The following PPAT variants were observed in gnomAD, a reference collection of about 807,000 sequenced individuals.
PPAT encodes amidophosphoribosyltransferase.
In PPAT, 20 loss-of-function variants were observed where a neutral mutation model predicts 60.2. That is an observed-to-expected ratio of 0.33 (90% CI 0.23 to 0.48). The LOEUF (loss-of-function observed/expected upper bound fraction) is 0.48, where lower values mean the gene tolerates loss of function less well. PPAT is among the 20% of genes least tolerant of loss of function. The pLI is 0.99. For synonymous variants in PPAT, 194 were observed against 215.1 expected, an observed-to-expected ratio of 0.90 and a Z score of 0.86; for missense variants, 349 against 629.6, an observed-to-expected ratio of 0.55 and a Z score of 4.77.
intron 3 of PPAT, chr4:56,404,016 G>C: frequency 2.2e-6 from 1 of 448,496 alleles, no homozygotes; most frequent in South Asian, 1.6e-5. Flanking sequence ...TTCCTAACAA[G>C]CCACAGACTG....
At chr4:56,413,011 T>C (rs1181988381) in intron 1 of PPAT, among the ~76,000 whole-genome samples, 2 of 80,010 alleles carry the variant, frequency 2.5e-5, no homozygotes, top group African/African-American at 8.8e-5. Context: ...TGAGTGTGGG[T>C]CTTCCACCCC....
chr4:56,399,525 G>A, intron 8 of PPAT, 125 bp from the exon 9 acceptor site: 2 of 789,094 alleles, frequency 2.5e-6, no homozygotes, highest in African/African-American at 1.8e-5. Context: ...TTATTATTTG[G>A]AAAAAAGGCA....
chr4:56,395,674 T>TAA (rs3036882), intron 10 of PPAT, 126 bp from the exon 11 acceptor site: 144 of 467,504 alleles, frequency 3.1e-4, no homozygotes, highest in South Asian at 5.4e-4. Flanking sequence ...AGCCTTTCTT[T>TAA]AAAAAAAAAA....
At chr4:56,397,140 A>G (rs201975098) in intron 9 of PPAT, among the ~76,000 whole-genome samples, 6 of 93,678 alleles carry the variant, frequency 6.4e-5, no homozygotes, top group African/African-American at 2.4e-4. Context: ...GGCTATACTC[A>G]GTGTCCACAT....
In PPAT at chr4:56,394,508, T is replaced by C. The variant is rs2110035288; in HGVS notation, c.*844A>G. 6.6e-6 allele frequency: 1 copy of C among 152,282 alleles called. No individual in the cohort carries two copies. Among genetic ancestry groups the C allele is most frequent in the Admixed American group, 6.5e-5 (1 of 15,292 alleles). 9.4% of individuals were successfully genotyped at this position (152,282 alleles called of 1,614,324 possible). A position where few individuals can be genotyped will look rare whatever the true frequency, so the allele number is the denominator to read the frequency against. On this transcript the variant is annotated 3_prime_UTR_variant, in exon 11 of 11. Coordinates refer to ENST00000264220, the MANE Select transcript of PPAT (RefSeq NM_002703.5). Reference sequence around the variant, plus strand: ...TTTTATTTCAAATGTACCAGGTTACTTGCTGAGCTTATAGTATCAGGGCAC... The same window carrying C: ...TTTTATTTCAAATGTACCAGGTTACCTGCTGAGCTTATAGTATCAGGGCAC...
intron 1 of PPAT, chr4:56,431,393 G>A: frequency 1.0e-6 from 1 of 968,438 alleles, no homozygotes; most frequent in Non-Finnish European, 1.2e-6. Context: ...TGCCTTTCCA[G>A]TGGTAATGTT....
rs1283427308 is a variant in PPAT, at chr4:56,401,014, GA to G, written c.887-104del. The G allele has an allele frequency of 5.9e-6, 7 of 1,176,684 alleles. No individual in the cohort carries two copies. In the African/African-American group the frequency reaches 7.8e-5, roughly 13 times the overall value. The allele number at this position is 1,176,684 out of a possible 1,614,324, so 72.9% of individuals were successfully genotyped here. A position where few individuals can be genotyped will look rare whatever the true frequency, so the allele number is the denominator to read the frequency against. ...GAATTCTACAGATTGAGTATAAAAAGAAATGCAATATATACAAAAATATGAA... is the reference window on the plus strand; with the variant it reads ...GAATTCTACAGATTGAGTATAAAAAGAATGCAATATATACAAAAATATGAA... On this transcript the variant is annotated intron_variant, in intron 7 of 10. Coordinates refer to ENST00000264220, the MANE Select transcript of PPAT (RefSeq NM_002703.5).
chr4:56,434,318 G>A (rs957044519), intron 1 of PPAT, among the ~76,000 whole-genome samples: 5 of 152,154 alleles, frequency 3.3e-5, no homozygotes, highest in African/African-American at 1.2e-4. Context: ...TTTGGAATGC[G>A]TTTATACGTG....
At chr4:56,413,876 G>A (rs1283255562) in intron 1 of PPAT, among the ~76,000 whole-genome samples, 3 of 152,084 alleles carry the variant, frequency 2.0e-5, no homozygotes, top group Non-Finnish European at 2.9e-5. Context: ...CAGCCTGGGC[G>A]ACAAGAGTAA....
chr4:56,430,641 G>C (rs560166482), intron 1 of PPAT, among the ~76,000 whole-genome samples: 1 of 151,370 alleles, frequency 6.6e-6, no homozygotes, highest in African/African-American at 2.4e-5. Flanking sequence ...ATTTTTCTAT[G>C]TCTGGATATA....
At chr4:56,428,731 T>TA (rs141898772) in intron 1 of PPAT, among the ~76,000 whole-genome samples, 1,702 of 152,308 alleles carry the variant, frequency 0.011, 33 homozygotes, top group African/African-American at 0.038. Flanking sequence ...AAATGACCCT[T>TA]AAAAATCATT....
chr4:56,431,696 C>A (rs1717592407), intron 1 of PPAT: 1 of 171,366 alleles, frequency 5.8e-6, no homozygotes, highest in East Asian at 1.9e-4. Flanking sequence ...TGGCATAAAT[C>A]TACAGACATT....
At chr4:56,409,511 T>C (rs2110042748) in intron 1 of PPAT, among the ~76,000 whole-genome samples, 1 of 152,336 alleles carries the variant, frequency 6.6e-6, no homozygotes, top group Non-Finnish European at 1.5e-5. Context: ...AGGCACCCTT[T>C]CCCATGTCTG....
chr4:56,427,777 T>A (rs73240548), intron 1 of PPAT, among the ~76,000 whole-genome samples: 3 of 152,214 alleles, frequency 2.0e-5, no homozygotes, highest in Non-Finnish European at 4.4e-5. Flanking sequence ...CTGCTGCACA[T>A]CATCACCCCA....
At chr4:56,430,348 G>C (rs1171962376) in intron 1 of PPAT, among the ~76,000 whole-genome samples, 2 of 152,008 alleles carry the variant, frequency 1.3e-5, no homozygotes, top group Admixed American at 1.3e-4. Context: ...ATCCTATAAG[G>C]TAGGTGCTAT....
At chr4:56,398,724 A>G (rs536828219) in intron 9 of PPAT, among the ~76,000 whole-genome samples, 1 of 152,308 alleles carries the variant, frequency 6.6e-6, no homozygotes, top group East Asian at 1.9e-4. Context: ...TGCTGGAATT[A>G]TAGGCATGAG....
intron 1 of PPAT, among the ~76,000 whole-genome samples, chr4:56,414,794 G>A (rs577815519): frequency 6.6e-6 from 1 of 152,170 alleles, no homozygotes; most frequent in Non-Finnish European, 1.5e-5. Context: ...TAAATAACCT[G>A]GGCCCTGTTT....
chr4:56,425,979 T>G (rs758603746), intron 1 of PPAT, among the ~76,000 whole-genome samples: 1 of 152,178 alleles, frequency 6.6e-6, no homozygotes, highest in Non-Finnish European at 1.5e-5. Flanking sequence ...CTCAGCAACT[T>G]TTCTGAGATG....
At chr4:56,429,048 C>G in intron 1 of PPAT, 3 of 536,450 alleles carry the variant, frequency 5.6e-6, no homozygotes, top group Non-Finnish European at 7.1e-6. Context: ...ACAGTGGAAA[C>G]AACTTGTTGC....
Sources: gnomAD v4.1 joint callset for allele counts (sites outside exome capture counted in the v4.1 genomes callset) on GRCh38, gnomAD v4.1.1 for gene constraint, MANE v1.5 for transcripts, NCBI Gene and HGNC (gene_info 2026-07-23, HGNC 2026-07-21) for gene names.